The following PHTF2 variants were observed in gnomAD, a reference collection of about 807,000 sequenced individuals.
The protein encoded by PHTF2 is putative homeodomain transcription factor 2, also known as protein PHTF2.
In PHTF2, 60 loss-of-function variants were observed where a neutral mutation model predicts 101.2. The ratio of observed to expected loss-of-function variants is 0.59; its 90% CI spans 0.48 to 0.73. The LOEUF is 0.73. Ranked by LOEUF, PHTF2 falls within the 30% of genes least tolerant of loss-of-function variation. The probability of loss-of-function intolerance (pLI) is 0.00; values close to 1 mark genes in which losing one functional copy is unlikely to be tolerated. For missense variants in PHTF2, 747 were observed against 908.7 expected (o/e 0.82, Z 2.29); for synonymous variants, 311 against 307.3 (o/e 1.01, Z -0.13).
At chr7:77,830,115 T>C (rs1794967738) in intron 1 of PHTF2, among the ~76,000 whole-genome samples, 1 of 152,148 alleles carries the variant, frequency 6.6e-6, no homozygotes, top group African/African-American at 2.4e-5. Context: ...ATAAAGACAT[T>C]GGACTGCTCT....
intron 5 of PHTF2, chr7:77,895,114 A>G: frequency 2.2e-6 from 1 of 453,836 alleles, no homozygotes; most frequent in East Asian, 7.0e-5. Flanking sequence ...GCACATTTAG[A>G]ATTCTGTTAT....
chr7:77,850,800 T>G (rs1316426834), intron 2 of PHTF2, among the ~76,000 whole-genome samples: 2 of 152,202 alleles, frequency 1.3e-5, no homozygotes, highest in Non-Finnish European at 2.9e-5. Context: ...AATGCATCCA[T>G]CATATATGGC....
At chr7:77,817,972 T>C (rs1040332092) in intron 1 of PHTF2, among the ~76,000 whole-genome samples, 3 of 151,886 alleles carry the variant, frequency 2.0e-5, no homozygotes, top group African/African-American at 7.3e-5. Context: ...TAGCCGGGCA[T>C]GGTGGCGGGC....
intron 9 of PHTF2, among the ~76,000 whole-genome samples, chr7:77,916,513 A>G (rs1802940203): frequency 6.6e-6 from 1 of 152,086 alleles, no homozygotes; most frequent in South Asian, 2.1e-4. Flanking sequence ...CTCTCCTACC[A>G]TTTACACTCC....
chr7:77,861,707 G>T (rs1797658149), intron 3 of PHTF2, among the ~76,000 whole-genome samples: 1 of 152,198 alleles, frequency 6.6e-6, no homozygotes, highest in Non-Finnish European at 1.5e-5. Flanking sequence ...CAGATCACTT[G>T]AGGCCGGAAG....
intron 2 of PHTF2, among the ~76,000 whole-genome samples, chr7:77,844,917 A>G (rs1024108782): frequency 2.6e-5 from 4 of 152,264 alleles, no homozygotes; most frequent in African/African-American, 9.6e-5. Flanking sequence ...TGTAGCCTTC[A>G]TAGTTATGAA....
intron 1 of PHTF2, 89 bp downstream of exon 1, chr7:77,799,060 A>C (rs1792305902): frequency 6.6e-6 from 1 of 152,502 alleles, no homozygotes; most frequent in African/African-American, 2.4e-5. Context: ...GGGACGAGGG[A>C]GGAGAGCGGT....
chr7:77,821,890 G>A (rs910211350), intron 1 of PHTF2, among the ~76,000 whole-genome samples: 10 of 152,200 alleles, frequency 6.6e-5, no homozygotes, highest in African/African-American at 2.4e-4. Context: ...TGGGCTGAGG[G>A]TATGCCTACC....
intron 1 of PHTF2, among the ~76,000 whole-genome samples, chr7:77,810,275 A>C (rs1403228049): frequency 2.0e-5 from 3 of 152,168 alleles, no homozygotes; most frequent in Non-Finnish European, 4.4e-5. Flanking sequence ...ATATAAGATT[A>C]TTCTTCTTCA....
intron 15 of PHTF2, among the ~76,000 whole-genome samples, chr7:77,940,895 A>G (rs1805587898): frequency 6.6e-6 from 1 of 152,186 alleles, no homozygotes; most frequent in South Asian, 2.1e-4. Flanking sequence ...GAAGTGACCT[A>G]TTACTATTTT....
intron 1 of PHTF2, among the ~76,000 whole-genome samples, chr7:77,804,319 G>C (rs1410534141): frequency 1.3e-5 from 2 of 151,826 alleles, no homozygotes; most frequent in Admixed American, 6.6e-5. Context: ...CTTAATGAGG[G>C]GTTTTTTGTT....
At chr7:77,849,844 T>C (rs904185297) in intron 2 of PHTF2, among the ~76,000 whole-genome samples, 1 of 152,232 alleles carries the variant, frequency 6.6e-6, no homozygotes, top group African/African-American at 2.4e-5. Flanking sequence ...TACTGATTTT[T>C]TTATGTTGAT....
chr7:77,929,048 A>C (rs1804320076), intron 11 of PHTF2, 61 bp from the exon 11 acceptor site: 1 of 1,234,146 alleles, frequency 8.1e-7, no homozygotes, highest in Non-Finnish European at 1.2e-6. Flanking sequence ...TTCTGATAGT[A>C]TCCTTTGAGT....
chr7:77,810,929 G>A (rs1380568835), intron 1 of PHTF2, among the ~76,000 whole-genome samples: 1 of 151,620 alleles, frequency 6.6e-6, no homozygotes, highest in African/African-American at 2.4e-5. Context: ...TTGGGATAGA[G>A]TTTTGCTCCT....
intron 16 of PHTF2, among the ~76,000 whole-genome samples, chr7:77,946,822 T>C (rs1806084867): frequency 6.6e-6 from 1 of 152,092 alleles, no homozygotes; most frequent in Non-Finnish European, 1.5e-5. Flanking sequence ...AAATAGATAA[T>C]TGAAAACTGT....
chr7:77,803,686 G>GGTGTGT (rs1792741398), intron 1 of PHTF2, among the ~76,000 whole-genome samples: 1 of 140,676 alleles, frequency 7.1e-6, no homozygotes, highest in African/African-American at 2.8e-5. Flanking sequence ...GAGTTGAACA[G>GGTGTGT]GCGTGTGTGT....
intron 10 of PHTF2, among the ~76,000 whole-genome samples, chr7:77,921,057 G>A (rs546735779): frequency 6.6e-6 from 1 of 152,300 alleles, no homozygotes; most frequent in South Asian, 2.1e-4. Context: ...CCCTATTTCT[G>A]TGTGTGTAAG....
At chr7:77,824,300 G>A (rs539205070) in intron 1 of PHTF2, among the ~76,000 whole-genome samples, 2 of 151,144 alleles carry the variant, frequency 1.3e-5, no homozygotes, top group Non-Finnish European at 1.5e-5. Context: ...ACAAATTCAC[G>A]GAAGAGCTTA....
chr7:77,894,018 C>T, intron 5 of PHTF2, 25 bp downstream of exon 4: 1 of 1,538,356 alleles, frequency 6.5e-7, no homozygotes. Context: ...ATTTTTCCCG[C>T]CTGAGTGATC....
Sources: allele counts gnomAD v4.1 joint callset (sites outside exome capture counted in the v4.1 genomes callset), GRCh38; gene constraint gnomAD v4.1.1; transcripts MANE v1.5; gene names NCBI Gene and HGNC (gene_info 2026-07-23, HGNC 2026-07-21).